ZDHHC15: variants seen among roughly 807,000 people sequenced by gnomAD.
The protein encoded by ZDHHC15 is zDHHC palmitoyltransferase 15.
Under a neutral mutation model 31.7 loss-of-function variants are expected in ZDHHC15, and 19 were observed. The ratio of observed to expected loss-of-function variants is 0.60; its 90% confidence interval spans 0.42 to 0.88. ZDHHC15 has a LOEUF of 0.88. ZDHHC15 is among the 40% of genes least tolerant of loss of function. The pLI is 0.00. For synonymous variants in ZDHHC15, 103 were observed against 90.0 expected (o/e 1.14, Z -0.82); for missense variants, 209 against 251.2 (o/e 0.83, Z 1.14).
At chrX:75,374,701 T>A (rs1259400772) in intron 11 of ZDHHC15, among the ~76,000 whole-genome samples, 1 of 100,174 alleles carries the variant, frequency 1.0e-5, no homozygotes, top group East Asian at 4.4e-4. Flanking sequence ...ATATATATAA[T>A]ATATGTATAT....
At chrX:75,507,293 G>A (rs1024353094) in intron 1 of ZDHHC15, among the ~76,000 whole-genome samples, 3 of 111,398 alleles carry the variant, frequency 2.7e-5, no homozygotes, top group Non-Finnish European at 3.8e-5. Flanking sequence ...CATTAGTTTG[G>A]CAGTGGAATT....
At chrX:75,479,087 A>T in intron 2 of ZDHHC15, 102 bp from the exon 3 acceptor site, 1 of 510,199 alleles carries the variant, frequency 2.0e-6, no homozygotes, top group East Asian at 4.1e-5. Flanking sequence ...TTTCTTATTA[A>T]CATGTATTCT....
intron 10 of ZDHHC15, among the ~76,000 whole-genome samples, chrX:75,393,216 G>T (rs911930210): frequency 9.0e-6 from 1 of 111,297 alleles, no homozygotes; most frequent in Non-Finnish European, 1.9e-5. Context: ...GGTAGGAGGA[G>T]CCCAAAATGT....
At chrX:75,490,900 A>G (rs1331385309) in intron 2 of ZDHHC15, among the ~76,000 whole-genome samples, 8 of 111,999 alleles carry the variant, frequency 7.1e-5, no homozygotes, top group African/African-American at 1.9e-4. Context: ...GGCCATCAGA[A>G]AAATGCAAAA....
At chrX:75,493,576 T>A (rs1395754091) in intron 2 of ZDHHC15, among the ~76,000 whole-genome samples, 2 of 111,716 alleles carry the variant, frequency 1.8e-5, no homozygotes, top group African/African-American at 3.3e-5. Context: ...TCAAAAAGCT[T>A]ATCCACCATG....
At chrX:75,410,372 A>G (rs932610385) in intron 10 of ZDHHC15, among the ~76,000 whole-genome samples, 3 of 109,244 alleles carry the variant, frequency 2.7e-5, no homozygotes, top group Non-Finnish European at 5.7e-5. Flanking sequence ...AGCAAAAAAG[A>G]AAAAAAAAGA....
intron 3 of ZDHHC15, among the ~76,000 whole-genome samples, chrX:75,474,406 G>A (rs2084554852): frequency 9.6e-6 from 1 of 104,697 alleles, no homozygotes; most frequent in Admixed American, 1.1e-4. Flanking sequence ...TTGTGATTGT[G>A]TGAATTAATA....
At chrX:75,494,108 CA>C (rs2084947886) in intron 2 of ZDHHC15, among the ~76,000 whole-genome samples, 1 of 111,304 alleles carries the variant, frequency 9.0e-6, no homozygotes, top group South Asian at 3.8e-4. Context: ...AATCAATGTA[CA>C]AAAATCACAA....
chrX:75,422,081 A>G (rs2083651964), intron 8 of ZDHHC15, 91 bp from the exon 9 acceptor site: 23 of 1,042,456 alleles, frequency 2.2e-5, no homozygotes, highest in Non-Finnish European at 2.9e-5. Context: ...TTCTCCATGT[A>G]TGTGACTTGG....
At position 75,437,031 on chromosome X, in the gene ZDHHC15, A is replaced by G. The variant is rs893445373; in HGVS notation, c.380-5511T>C. Among the ~76,000 whole-genome samples the G allele has an allele frequency of 2.4e-4, 26 of 110,428 alleles. 1 individual carries two copies. The highest frequency in any genetic ancestry group is 1.6e-3 in the Admixed American group (17 of 10,451). On this transcript the variant is annotated intron_variant, in intron 4 of 11. Transcript: ENST00000373367. ...CGAGTAGCTGGGACTACAGGCACCC[A>G]CCACCATGCCCGGCTAATTTTTTGT...
At chrX:75,431,381 C>T (rs2083778177) in intron 5 of ZDHHC15, 70 bp downstream of exon 5, 5 of 1,000,791 alleles carry the variant, frequency 5.0e-6, no homozygotes, top group Non-Finnish European at 6.9e-6. Context: ...ATGTTAGGAT[C>T]AGTCATTTTG....
At position 75,505,004 on chromosome X, in the gene ZDHHC15, G is replaced by A. The variant is rs184674229; in HGVS notation, c.163+817C>T. On this transcript the variant is annotated intron_variant, in intron 2 of 11. Transcript: ENST00000373367. ...CACAATGAGGTAAAATAATTTACTA[G>A]GAAATAGCAGAGCCAGGATTTGAAT... 7.2e-5 allele frequency among the ~76,000 whole-genome samples: 8 copies of A among 111,174 alleles called. No homozygotes were observed. The East Asian group carries it at 2.3e-3, about 31-fold the overall frequency.
intron 4 of ZDHHC15, among the ~76,000 whole-genome samples, chrX:75,441,903 A>C (rs1050411884): frequency 9.0e-6 from 1 of 111,032 alleles, no homozygotes; most frequent in Non-Finnish European, 1.9e-5. Flanking sequence ...AATTACAGGC[A>C]TGAGCCACCA....
chrX:75,482,132 G>A (rs184253055), intron 2 of ZDHHC15, among the ~76,000 whole-genome samples: 10 of 110,665 alleles, frequency 9.0e-5, no homozygotes, highest in African/African-American at 3.3e-4. Flanking sequence ...ACTGTGTTGG[G>A]GGGTGGGGAA....
At chrX:75,440,103 C>T (rs763209523) in intron 4 of ZDHHC15, among the ~76,000 whole-genome samples, 1 of 111,229 alleles carries the variant, frequency 9.0e-6, no homozygotes, top group Non-Finnish European at 1.9e-5. Flanking sequence ...TGTGAGGATC[C>T]TTGACTGTAG....
At chrX:75,402,611 C>A (rs2083369527) in intron 10 of ZDHHC15, among the ~76,000 whole-genome samples, 1 of 111,599 alleles carries the variant, frequency 9.0e-6, no homozygotes, top group African/African-American at 3.3e-5. Flanking sequence ...CTATGAACAC[C>A]TGTATGCACA....
intron 2 of ZDHHC15, among the ~76,000 whole-genome samples, chrX:75,485,251 A>G (rs1476743977): frequency 9.0e-6 from 1 of 111,386 alleles, no homozygotes; most frequent in Admixed American, 9.6e-5. Flanking sequence ...CTAAAAATAG[A>G]TATTTACCTT....
At chrX:75,444,758 C>A (rs185974332) in intron 4 of ZDHHC15, among the ~76,000 whole-genome samples, 90 of 97,395 alleles carry the variant, frequency 9.2e-4, no homozygotes, top group Non-Finnish European at 1.5e-3. Context: ...TGTACTACTG[C>A]AGACTGGAAA....
chrX:75,522,364 T>A (rs1400708665), intron 1 of ZDHHC15, among the ~76,000 whole-genome samples: 3 of 110,744 alleles, frequency 2.7e-5, no homozygotes, highest in African/African-American at 9.9e-5. Flanking sequence ...TTCCAGTGTG[T>A]GAAAAAGGAG....
Sources: allele counts gnomAD v4.1 joint callset (sites outside exome capture counted in the v4.1 genomes callset), GRCh38; gene constraint gnomAD v4.1.1; transcripts MANE v1.5; gene names NCBI Gene and HGNC (gene_info 2026-07-23, HGNC 2026-07-21).